Variants in ZCCHC7 observed in about 807,000 individuals in gnomAD.
ZCCHC7 encodes the protein zinc finger CCHC domain-containing protein 7.
Under a neutral mutation model 52.0 loss-of-function variants are expected in ZCCHC7, and 35 were observed. The ratio of observed to expected loss-of-function variants is 0.67; its 90% CI spans 0.51 to 0.89. ZCCHC7 has a LOEUF of 0.89. ZCCHC7 is among the 40% of genes least tolerant of loss of function. ZCCHC7 has a pLI of 0.00. For synonymous variants in ZCCHC7, 217 were observed against 221.5 expected, an observed-to-expected ratio of 0.98 and a Z score of 0.18; for missense variants, 574 against 649.1, an observed-to-expected ratio of 0.88 and a Z score of 1.26.
At chr9:37,168,753 A>G (rs2132962163) in intron 2 of ZCCHC7, among the ~76,000 whole-genome samples, 1 of 152,206 alleles carries the variant, frequency 6.6e-6, no homozygotes, top group South Asian at 2.1e-4. Context: ...AGTACCCAGT[A>G]CATATTTGAG....
chr9:37,234,656 T>G (rs995877278), intron 2 of ZCCHC7, among the ~76,000 whole-genome samples: 7 of 152,206 alleles, frequency 4.6e-5, no homozygotes, highest in African/African-American at 1.7e-4. Flanking sequence ...AGTTAACTGT[T>G]AAAAGACCAA....
At chr9:37,210,432 C>A (rs1824155296) in intron 2 of ZCCHC7, among the ~76,000 whole-genome samples, 2 of 152,150 alleles carry the variant, frequency 1.3e-5, no homozygotes, top group South Asian at 4.1e-4. Context: ...TCATACTGTT[C>A]ATCCTATCTT....
chr9:37,309,608 T>G (rs1201644482), intron 5 of ZCCHC7, among the ~76,000 whole-genome samples: 1 of 152,174 alleles, frequency 6.6e-6, no homozygotes, highest in African/African-American at 2.4e-5. Context: ...ATTTCTAACC[T>G]TTTATAAATT....
At chr9:37,189,438 G>T (rs1332605603) in intron 2 of ZCCHC7, among the ~76,000 whole-genome samples, 1 of 152,180 alleles carries the variant, frequency 6.6e-6, no homozygotes, top group Non-Finnish European at 1.5e-5. Context: ...CCAGGCTGGA[G>T]TGCAACAGCG....
intron 2 of ZCCHC7, among the ~76,000 whole-genome samples, chr9:37,296,554 A>G (rs1234074192): frequency 3.9e-5 from 6 of 152,062 alleles, no homozygotes; most frequent in Admixed American, 3.3e-4. Flanking sequence ...TGGTTCCTTA[A>G]GGATTACAGG....
chr9:37,255,456 G>C (rs1329955284), intron 2 of ZCCHC7, among the ~76,000 whole-genome samples: 1 of 152,018 alleles, frequency 6.6e-6, no homozygotes, highest in Non-Finnish European at 1.5e-5. Context: ...CATCCTCATG[G>C]GGACAGTGCA....
rs569771964 is a variant in ZCCHC7 at position 37,308,057 on chromosome 9, G to A, written c.951+2343G>A. Among the ~76,000 whole-genome samples, 7 of 152,030 alleles carry A rather than the reference G, an allele frequency of 4.6e-5. No homozygotes were observed. The South Asian group carries it at 1.2e-3, about 27-fold the overall frequency. On this transcript the variant is annotated intron_variant, in intron 5 of 8. Transcript: ENST00000336755. ...GTATTATCAGTCTTTAAAATTTTTG[G>A]CTGGTCAGACCAAAAAATGATATTT...
At chr9:37,338,508 C>A (rs1830785780) in intron 6 of ZCCHC7, among the ~76,000 whole-genome samples, 1 of 152,018 alleles carries the variant, frequency 6.6e-6, no homozygotes, top group Non-Finnish European at 1.5e-5. Flanking sequence ...GCTTTTCAAC[C>A]CATTGGTTTA....
intron 1 of ZCCHC7, among the ~76,000 whole-genome samples, chr9:37,123,005 A>T (rs559077774): frequency 6.6e-6 from 1 of 152,266 alleles, no homozygotes; most frequent in Non-Finnish European, 1.5e-5. Context: ...AGAAATGTGA[A>T]TCACTTCTAG....
chr9:37,212,026 C>CA (rs574190937), intron 2 of ZCCHC7, among the ~76,000 whole-genome samples: 893 of 55,386 alleles, frequency 0.016, 185 homozygotes, highest in East Asian at 0.025. Context: ...GACTCCGTCT[C>CA]AAAAAAAAAA....
At chr9:37,332,146 A>T (rs567283707) in intron 6 of ZCCHC7, among the ~76,000 whole-genome samples, 1 of 151,662 alleles carries the variant, frequency 6.6e-6, no homozygotes, top group East Asian at 1.9e-4. Flanking sequence ...TGCTATTGAG[A>T]CATTACATCT....
chr9:37,151,090 G>C (rs974405802), intron 2 of ZCCHC7, among the ~76,000 whole-genome samples: 8 of 150,280 alleles, frequency 5.3e-5, no homozygotes, highest in Non-Finnish European at 3.0e-5. Context: ...TAAGCCTCCC[G>C]AGTAGCTGGG....
At chr9:37,331,601 G>C (rs1486959375) in intron 6 of ZCCHC7, among the ~76,000 whole-genome samples, 6 of 151,758 alleles carry the variant, frequency 4.0e-5, no homozygotes, top group African/African-American at 1.2e-4. Context: ...CCTTTATCCT[G>C]AGATTGTGAT....
intron 5 of ZCCHC7, among the ~76,000 whole-genome samples, chr9:37,312,006 TG>T (rs1829624654): frequency 1.3e-5 from 2 of 152,240 alleles, no homozygotes; most frequent in Non-Finnish European, 2.9e-5. Context: ...GCATTATTTT[TG>T]TAAAGGTAAT....
At chr9:37,346,152 A>G (rs547038912) in intron 6 of ZCCHC7, among the ~76,000 whole-genome samples, 158 of 152,012 alleles carry the variant, frequency 1.0e-3, no homozygotes, top group African/African-American at 3.6e-3. Flanking sequence ...ACAGGCATGC[A>G]CCACCACGCC....
At chr9:37,124,513 G>T (rs1842458206) in intron 1 of ZCCHC7, among the ~76,000 whole-genome samples, 1 of 152,082 alleles carries the variant, frequency 6.6e-6, no homozygotes, top group African/African-American at 2.4e-5. Context: ...GTGATTCATT[G>T]TTTAGCAGAG....
At chr9:37,125,384 C>G (rs1842499120) in intron 1 of ZCCHC7, among the ~76,000 whole-genome samples, 1 of 151,866 alleles carries the variant, frequency 6.6e-6, no homozygotes, top group African/African-American at 2.4e-5. Context: ...TCTCAAACTT[C>G]TAACCTCAAC....
At chr9:37,136,237 T>C (rs1336934868) in intron 2 of ZCCHC7, among the ~76,000 whole-genome samples, 1 of 152,196 alleles carries the variant, frequency 6.6e-6, no homozygotes, top group African/African-American at 2.4e-5. Flanking sequence ...ACTTAATTTC[T>C]TTATTGGTAA....
rs568982647 is a variant in ZCCHC7, at chr9:37,200,120, C to A, written c.610+73178C>A. Among the ~76,000 whole-genome samples the A allele has an allele frequency of 4.5e-4, 68 of 152,254 alleles. 2 individuals carry two copies. Among genetic ancestry groups the A allele is most frequent in the African/African-American group, 1.5e-3 (64 of 41,554 alleles). ...TTGGGTTACACGTTCTTTTATTCTTCCTATTCTTAATCCTTTGTGTTTTCT... is the reference window on the plus strand; with the variant it reads ...TTGGGTTACACGTTCTTTTATTCTTACTATTCTTAATCCTTTGTGTTTTCT... On this transcript the variant is annotated intron_variant, in intron 2 of 8. Transcript: ENST00000336755.
Sources: gnomAD v4.1 joint callset for allele counts (sites outside exome capture counted in the v4.1 genomes callset) on GRCh38, gnomAD v4.1.1 for gene constraint, MANE v1.5 for transcripts, NCBI Gene and HGNC (gene_info 2026-07-23, HGNC 2026-07-21) for gene names.